Variants in FRMD3 observed in about 807,000 individuals in gnomAD.
FRMD3 encodes the protein FERM domain containing 3, also known as FERM domain-containing protein 3.
Under a neutral mutation model 70.2 loss-of-function variants are expected in FRMD3, and 33 were observed. The ratio of observed to expected loss-of-function variants is 0.47; its 90% CI spans 0.36 to 0.63. The LOEUF (loss-of-function observed/expected upper bound fraction) is 0.63. FRMD3 is among the 20% of genes least tolerant of loss of function. The pLI is 0.00. For synonymous variants in FRMD3, 279 were observed against 255.9 expected, an observed-to-expected ratio of 1.09 and a Z score of -0.86; for missense variants, 632 against 711.4, an observed-to-expected ratio of 0.89 and a Z score of 1.27.
rs567236343 is a variant in FRMD3, at chr9:83,537,745, C to A, written c.147+340G>T. 1.0e-3 allele frequency among the ~76,000 whole-genome samples: 153 copies of A among 152,334 alleles called. No individual in the cohort carries two copies. Among genetic ancestry groups the A allele is most frequent in the African/African-American group, 3.6e-3 (149 of 41,598 alleles). On this transcript the variant is annotated intron_variant, in intron 1 of 13. Transcript: ENST00000304195. This position sits in a 1 kb window ranked among gnomAD's most constrained non-coding sequence, Gnocchi z 4.1. ...GTGCCCCTCTCAGCCCTCGGAGCTC[C>A]CATCTCCTGGCGGAGTAGGGCCCAG...
chr9:83,259,361 A>G (rs563695789), intron 13 of FRMD3, among the ~76,000 whole-genome samples: 1 of 152,304 alleles, frequency 6.6e-6, no homozygotes, highest in South Asian at 2.1e-4. Context: ...TTAGCAGTTC[A>G]GAATATCACA....
At chr9:83,411,915 C>T (rs1359246113) in intron 1 of FRMD3, among the ~76,000 whole-genome samples, 2 of 152,182 alleles carry the variant, frequency 1.3e-5, no homozygotes, top group Admixed American at 6.5e-5. Context: ...GATCAGTCTG[C>T]ATAGAATTGG....
At chr9:83,532,355 CA>C (rs2131559070) in intron 1 of FRMD3, among the ~76,000 whole-genome samples, 3 of 152,246 alleles carry the variant, frequency 2.0e-5, no homozygotes, top group Admixed American at 2.0e-4. Flanking sequence ...CTGCTCTGAA[CA>C]AGATGCCTTT....
At chr9:83,308,500 G>A (rs765678072) in intron 10 of FRMD3, among the ~76,000 whole-genome samples, 11 of 152,124 alleles carry the variant, frequency 7.2e-5, no homozygotes, top group Non-Finnish European at 1.3e-4. Context: ...TCACTGTAAG[G>A]GGCAGGGGGA....
chr9:83,437,520 TC>T (rs1310938886), intron 1 of FRMD3, among the ~76,000 whole-genome samples: 2 of 152,202 alleles, frequency 1.3e-5, no homozygotes, highest in African/African-American at 4.8e-5. Context: ...TCCACCTATC[TC>T]CCTGTCTTGC....
intron 1 of FRMD3, among the ~76,000 whole-genome samples, chr9:83,457,648 G>A (rs4520248): frequency 0.75 from 114,061 of 152,094 alleles, 42,931 homozygotes; most frequent in African/African-American, 0.81. Context: ...TAATGACAAG[G>A]AAAAAAGTCT....
chr9:83,367,804 G>A (rs924126392), intron 3 of FRMD3, among the ~76,000 whole-genome samples: 1 of 152,164 alleles, frequency 6.6e-6, no homozygotes, highest in African/African-American at 2.4e-5. Flanking sequence ...TTTTGAGGAA[G>A]AGATCTATTT....
intron 7 of FRMD3, among the ~76,000 whole-genome samples, chr9:83,313,129 A>C (rs1323158549): frequency 6.6e-6 from 1 of 152,192 alleles, no homozygotes; most frequent in Admixed American, 6.5e-5. Flanking sequence ...CAGATTCCCC[A>C]GTTGTACCCC....
At chr9:83,378,706 G>GTATACTTTATATTATATATAATATA (rs1267879517) in intron 2 of FRMD3, among the ~76,000 whole-genome samples, 8 of 84,230 alleles carry the variant, frequency 9.5e-5, no homozygotes, top group African/African-American at 3.0e-4. Flanking sequence ...TATATAATAT[G>GTATACTTTATATTATATATAATATA]TATACTTTAT....
At chr9:83,392,030 A>G (rs1825679059) in intron 1 of FRMD3, among the ~76,000 whole-genome samples, 1 of 152,158 alleles carries the variant, frequency 6.6e-6, no homozygotes, top group Non-Finnish European at 1.5e-5. Context: ...GGATTTCCAC[A>G]ACATGGGAAA....
In FRMD3 at chr9:83,299,966, T is replaced by C. The variant is rs1321559015; in HGVS notation, c.927-780A>G. ...TGAGGATGGCTCTACAGCAGTCATG[T>C]TAAGCCTTGTACAATTAAATCCAAC... is the stretch of plus-strand genomic sequence containing the variant. On this transcript the variant is annotated intron_variant, in intron 10 of 13. Transcript: ENST00000304195. 2.6e-5 allele frequency among the ~76,000 whole-genome samples: 4 copies of C among 152,248 alleles called. No individual in the cohort carries two copies. In the South Asian group the frequency reaches 6.2e-4, roughly 24 times the overall value.
chr9:83,388,664 C>A (rs1825579326), intron 2 of FRMD3, among the ~76,000 whole-genome samples: 1 of 152,138 alleles, frequency 6.6e-6, no homozygotes, highest in Admixed American at 6.5e-5. Context: ...CCAACAGATA[C>A]CAAAAAGGGT....
intron 10 of FRMD3, among the ~76,000 whole-genome samples, chr9:83,300,955 C>T (rs1022522939): frequency 2.0e-5 from 3 of 152,086 alleles, no homozygotes; most frequent in Non-Finnish European, 4.4e-5. Context: ...GCAAAGAAGC[C>T]CCTTCCCACC....
chr9:83,531,133 T>C (rs1299660256), intron 1 of FRMD3, among the ~76,000 whole-genome samples: 1 of 152,156 alleles, frequency 6.6e-6, no homozygotes, highest in Non-Finnish European at 1.5e-5. Flanking sequence ...ACTATTTCAC[T>C]ACCAGTCTGA....
chr9:83,436,563 T>C (rs1028615587), intron 1 of FRMD3, among the ~76,000 whole-genome samples: 5 of 151,654 alleles, frequency 3.3e-5, no homozygotes, highest in Admixed American at 1.3e-4. Flanking sequence ...ATTTGAAATA[T>C]TGCAATTCAA....
rs1020883966 is a variant in FRMD3 at position 83,370,628 on chromosome 9, T to C, written c.295+2285A>G. ...CATTCTAATAAGACATTATGTGTTT[T>C]AGGGTGGGTGCAGTGGCTCACTCCT... On this transcript the variant is annotated intron_variant, in intron 3 of 13. Transcript: ENST00000304195. Among the ~76,000 whole-genome samples the C allele has an allele frequency of 3.3e-5, 5 of 152,206 alleles. No individual in the cohort carries two copies. In the East Asian group the frequency reaches 7.7e-4, roughly 23 times the overall value.
chr9:83,258,686 C>G (rs980221089), intron 13 of FRMD3, among the ~76,000 whole-genome samples: 1 of 152,230 alleles, frequency 6.6e-6, no homozygotes, highest in Admixed American at 6.5e-5. Flanking sequence ...AGACTGGAGT[C>G]TGGGTGCCTT....
At chr9:83,304,673 T>C (rs1835056234) in intron 10 of FRMD3, among the ~76,000 whole-genome samples, 1 of 152,202 alleles carries the variant, frequency 6.6e-6, no homozygotes, top group African/African-American at 2.4e-5. Flanking sequence ...CTCAACCATG[T>C]ATCCAGTACA....
chr9:83,425,821 T>G (rs1260285527), intron 1 of FRMD3, among the ~76,000 whole-genome samples: 1 of 145,932 alleles, frequency 6.9e-6, no homozygotes, highest in African/African-American at 2.5e-5. Context: ...GCAGGAGAAT[T>G]GCCTGAACCC....
Sources: gnomAD v4.1 joint callset for allele counts (sites outside exome capture counted in the v4.1 genomes callset) on GRCh38, gnomAD v4.1.1 for gene constraint, Gnocchi (gnomAD v3.1) non-coding constraint, MANE v1.5 for transcripts, NCBI Gene and HGNC (gene_info 2026-07-23, HGNC 2026-07-21) for gene names.